Variants in HOMER1 observed in about 807,000 individuals in gnomAD.
HOMER1 encodes homer protein homolog 1.
In HOMER1, 3 loss-of-function variants were observed where a neutral mutation model predicts 48.9. The observed-to-expected ratio is 0.06, with a 90% CI of 0.03 to 0.16. HOMER1 has a LOEUF of 0.16. Ranked by LOEUF, HOMER1 falls within the 10% of genes least tolerant of loss-of-function variation. HOMER1 has a pLI of 1.00. For synonymous variants in HOMER1, 134 were observed against 146.4 expected, an observed-to-expected ratio of 0.92 and a Z score of 0.61; for missense variants, 247 against 411.4, an observed-to-expected ratio of 0.60 and a Z score of 3.46.
At position 79,391,131 on chromosome 5, in the gene HOMER1, G is replaced by GGT. The variant is rs1554056917; in HGVS notation, c.876+5691_876+5692insAC. 1.9e-4 allele frequency among the ~76,000 whole-genome samples: 20 copies of GGT among 103,522 alleles called. 1 individual carries two copies. The highest frequency in any genetic ancestry group is 9.2e-4 in the Admixed American group (9 of 9,768). 67.9% of individuals were successfully genotyped at this position (103,522 alleles called of 152,430 possible). ...TTACTAGTTAATCAAAATTTTGTGG[G>GGT]TTTTTTTTTTGTTTTTTTTTTTTTT... On this transcript the variant is annotated intron_variant, in intron 8 of 8. Transcript: ENST00000334082.
chr5:79,406,300 C>T lies in HOMER1; in HGVS notation c.528-4245G>A, dbSNP rs78718852. Among the ~76,000 whole-genome samples, 403 of 152,228 alleles carry T rather than the reference C, an allele frequency of 2.6e-3. 2 individuals carry two copies. The highest frequency in any genetic ancestry group is 9.4e-3 in the African/African-American group (390 of 41,552). ...TGGTAAAATCTTGAAATATACTATA[C>T]GTTAATGATAAAATCTAGGTAAGTG... On this transcript the variant is annotated intron_variant, in intron 5 of 8. Transcript: ENST00000334082.
At chr5:79,390,525 G>C (rs1035406295) in intron 8 of HOMER1, among the ~76,000 whole-genome samples, 3 of 151,996 alleles carry the variant, frequency 2.0e-5, no homozygotes, top group Non-Finnish European at 4.4e-5. Flanking sequence ...ACACAGAAAT[G>C]ATAACAATGA....
intron 1 of HOMER1, among the ~76,000 whole-genome samples, chr5:79,465,212 A>G (rs1458369346): frequency 6.6e-6 from 1 of 152,050 alleles, no homozygotes; most frequent in Non-Finnish European, 1.5e-5. Context: ...GCACATGCCT[A>G]TAGTCTCAGC....
In HOMER1 at chr5:79,397,592, T is replaced by A; in HGVS notation, c.730A>T (p.Thr244Ser). Residue 244 changes from threonine (T) to serine (S), a missense_variant, in exon 7 of 9, where the codon ACT becomes TCT. Around this residue, in one of 4 missense-constraint regions of HOMER1, gnomAD observed 113 missense variants for 152.5 expected, o/e 0.74. Coordinates refer to ENST00000334082, the MANE Select transcript of HOMER1 (RefSeq NM_004272.5). Reference protein sequence around the residue: ...CVSSQANAVHTHKTELNQTIQ... With the variant: ...CVSSQANAVHSHKTELNQTIQ... ...GTCTGATTTAATTCTGTCTTATGAG[T>A]ATGTACTGCATTTGCTTGGCTACTA... is the stretch of plus-strand genomic sequence containing the variant. The A allele has an allele frequency of 6.2e-7, 1 of 1,610,830 alleles. No individual in the cohort carries two copies. Among genetic ancestry groups the A allele is most frequent in the Non-Finnish European group, 8.5e-7 (1 of 1,178,350 alleles).
At chr5:79,475,539 C>A (rs1751745292) in intron 1 of HOMER1, among the ~76,000 whole-genome samples, 1 of 148,298 alleles carries the variant, frequency 6.7e-6, no homozygotes, top group Non-Finnish European at 1.5e-5. Flanking sequence ...AATATTCTAT[C>A]ATGTCATCCT....
intron 8 of HOMER1, among the ~76,000 whole-genome samples, chr5:79,380,528 C>T (rs1283185877): frequency 6.6e-6 from 1 of 152,226 alleles, no homozygotes; most frequent in Admixed American, 6.5e-5. Flanking sequence ...ACATTTCCCA[C>T]ACATCAGCCA....
At chr5:79,494,766 G>A (rs1189369902) in intron 1 of HOMER1, among the ~76,000 whole-genome samples, 1 of 152,222 alleles carries the variant, frequency 6.6e-6, no homozygotes, top group South Asian at 2.1e-4. Flanking sequence ...CTACTCGGGA[G>A]GCTGAGGCGG....
chr5:79,498,357 T>C (rs539929209), intron 1 of HOMER1, among the ~76,000 whole-genome samples: 1 of 152,194 alleles, frequency 6.6e-6, no homozygotes, highest in East Asian at 1.9e-4. Context: ...GATTGCACCA[T>C]TGCACTCCAG....
chr5:79,511,969 T>G lies in HOMER1; in HGVS notation c.5+801A>C, dbSNP rs146892924. ...GAAATCAGATTGCTCCATTAATATA[T>G]TATGGGTTTCCAGCTTAAATTAGGA... On this transcript the variant is annotated intron_variant, in intron 1 of 8. Coordinates refer to ENST00000334082, the MANE Select transcript of HOMER1 (RefSeq NM_004272.5). 2.4e-3 allele frequency among the ~76,000 whole-genome samples: 368 copies of G among 152,346 alleles called. 2 individuals carry two copies. The highest frequency in any genetic ancestry group is 8.6e-3 in the African/African-American group (357 of 41,582).
At chr5:79,440,180 G>A (rs1034627955) in intron 4 of HOMER1, among the ~76,000 whole-genome samples, 1 of 152,092 alleles carries the variant, frequency 6.6e-6, no homozygotes, top group Non-Finnish European at 1.5e-5. Flanking sequence ...AGACAAATAT[G>A]AGCAATGTAG....
In HOMER1 at chr5:79,445,791, A is replaced by G. The variant is rs148126365; in HGVS notation, c.387+1262T>C. Among the ~76,000 whole-genome samples, 1,299 of 152,248 alleles carry G rather than the reference A, an allele frequency of 8.5e-3. 17 individuals carry two copies. The highest frequency in any genetic ancestry group is 0.028 in the African/African-American group (1,163 of 41,546). On this transcript the variant is annotated intron_variant, in intron 4 of 8. Coordinates refer to ENST00000334082, the MANE Select transcript of HOMER1 (RefSeq NM_004272.5). ...TAGCCAGGTGGGGTGGTGCACGCCT[A>G]TAATCCCAGCTACTTGGGAGGCTGA...
intron 3 of HOMER1, among the ~76,000 whole-genome samples, chr5:79,449,100 AG>A (rs987831786): frequency 1.3e-4 from 20 of 152,246 alleles, no homozygotes; most frequent in African/African-American, 4.6e-4. Context: ...GATGTAACGA[AG>A]AACTTAATTT....
chr5:79,422,572 C>G lies in HOMER1; in HGVS notation c.527+16438G>C, dbSNP rs538986444. 4.1e-3 allele frequency among the ~76,000 whole-genome samples: 615 copies of G among 148,576 alleles called. 6 individuals carry two copies. Among genetic ancestry groups the G allele is most frequent in the African/African-American group, 0.014 (580 of 40,332 alleles). On this transcript the variant is annotated intron_variant, in intron 5 of 8. Coordinates refer to ENST00000334082, the MANE Select transcript of HOMER1 (RefSeq NM_004272.5). Reference sequence around the variant, plus strand: ...CTTTGGATTTTTCTTCCTGAAAAAGCAGAAATTGTATCCATTCTACTTCTC... The same window carrying G: ...CTTTGGATTTTTCTTCCTGAAAAAGGAGAAATTGTATCCATTCTACTTCTC...
chr5:79,448,558 C>A (rs1018898629), intron 3 of HOMER1, among the ~76,000 whole-genome samples: 3 of 152,142 alleles, frequency 2.0e-5, no homozygotes, highest in Admixed American at 6.5e-5. Context: ...TTTTTTTCAA[C>A]GATGGTACTT....
intron 2 of HOMER1, among the ~76,000 whole-genome samples, chr5:79,453,459 G>T (rs1181676888): frequency 6.6e-6 from 1 of 151,962 alleles, no homozygotes; most frequent in Non-Finnish European, 1.5e-5. Context: ...CCTTTCCCTT[G>T]TCTCTGTATT....
intron 1 of HOMER1, among the ~76,000 whole-genome samples, chr5:79,495,572 G>A (rs569022523): frequency 2.6e-5 from 4 of 152,168 alleles, no homozygotes; most frequent in Non-Finnish European, 4.4e-5. Flanking sequence ...CATGACTCAC[G>A]ACACAAATTA....
intron 1 of HOMER1, among the ~76,000 whole-genome samples, chr5:79,482,084 GT>G (rs927742945): frequency 1.3e-5 from 2 of 152,064 alleles, no homozygotes; most frequent in Non-Finnish European, 2.9e-5. Flanking sequence ...GCTGGGCATG[GT>G]GGTGTGTACA....
At position 79,411,320 on chromosome 5, in the gene HOMER1, A is replaced by T. The variant is rs1749809378; in HGVS notation, c.528-9265T>A. Among the ~76,000 whole-genome samples, 3 of 152,048 alleles carry T rather than the reference A, an allele frequency of 2.0e-5. No homozygotes were observed. The South Asian group carries it at 6.2e-4, about 31-fold the overall frequency. On this transcript the variant is annotated intron_variant, in intron 5 of 8. Transcript: ENST00000334082. ...GGCAACATGGTGAAACCCAACTTCT[A>T]CCAAAAATAGAAAAATTAGCCGGGC...
chr5:79,405,582 T>A lies in HOMER1; in HGVS notation c.528-3527A>T, dbSNP rs80044026. On this transcript the variant is annotated intron_variant, in intron 5 of 8. Coordinates refer to ENST00000334082, the MANE Select transcript of HOMER1 (RefSeq NM_004272.5). ...CAATTTTTTCTATATTCAGAATCTA[T>A]CAGATTGCATTTTTTCCTTTCATTG... Among the ~76,000 whole-genome samples the A allele has an allele frequency of 5.3e-4, 81 of 152,312 alleles. No individual in the cohort carries two copies. In the East Asian group the frequency reaches 0.015, roughly 28 times the overall value.
Sources: allele counts gnomAD v4.1 joint callset (sites outside exome capture counted in the v4.1 genomes callset), GRCh38; gene constraint gnomAD v4.1.1; regional missense constraint gnomAD v4.1.1; transcripts MANE v1.5; gene names NCBI Gene and HGNC (gene_info 2026-07-23, HGNC 2026-07-21).